The following PARP11 variants were observed in gnomAD, a reference collection of about 807,000 sequenced individuals.
PARP11 encodes the protein protein mono-ADP-ribosyltransferase PARP11.
A neutral mutation model predicts 42.9 loss-of-function variants in PARP11; 31 were observed. The observed-to-expected ratio is 0.72, with a 90% CI of 0.54 to 0.98. The LOEUF (loss-of-function observed/expected upper bound fraction) is 0.98. Among genes scored for constraint, PARP11 ranks in the 50% least tolerant of loss-of-function variants. The pLI is 0.00. For missense variants in PARP11, 365 were observed against 413.1 expected (o/e 0.88, Z 1.01); for synonymous variants, 137 against 127.3 (o/e 1.08, Z -0.51).
chr12:3,816,545 G>C (rs1270777029), intron 6 of PARP11, among the ~76,000 whole-genome samples: 2 of 152,326 alleles, frequency 1.3e-5, no homozygotes, highest in South Asian at 4.1e-4. Context: ...GACTGTCTAA[G>C]GGGCCTATCC....
At chr12:3,814,252 A>T in intron 6 of PARP11, 64 bp from the exon 7 acceptor site, 1 of 1,328,768 alleles carries the variant, frequency 7.5e-7, no homozygotes, top group Admixed American at 2.5e-5. Flanking sequence ...GCATTTATTA[A>T]TCTTAATGAG....
rs982573050 is a variant in PARP11, at chr12:3,842,642, C to T, written c.19-12624G>A. The T allele has an allele frequency of 3.9e-5, 26 of 670,214 alleles. No homozygotes were observed. In the African/African-American group the frequency reaches 3.9e-4, roughly 10 times the overall value. The allele number at this position is 670,214 out of a possible 1,614,324, so 41.5% of individuals were successfully genotyped here. A position where few individuals can be genotyped will look rare whatever the true frequency, so the allele number is the denominator to read the frequency against. Reference sequence around the variant, plus strand: ...TTCCTCTCCCCAGCCTCCTTACCTTCCCTCCCATACTCGACAAGACATTGT... The same window carrying T: ...TTCCTCTCCCCAGCCTCCTTACCTTTCCTCCCATACTCGACAAGACATTGT... On this transcript the variant is annotated intron_variant, in intron 1 of 7. Coordinates refer to ENST00000228820, the MANE Select transcript of PARP11 (RefSeq NM_020367.6).
At position 3,811,990 on chromosome 12, in the gene PARP11, A is replaced by G. The variant is rs918490638; in HGVS notation, c.*133T>C. ...CCTTGAAGTCAGTATGTCTTTTTAT[A>G]TGGAGGCCACTTTTTTTCATATCTG... On this transcript the variant is annotated 3_prime_UTR_variant, in exon 8 of 8. Transcript: ENST00000228820. The G allele has an allele frequency of 9.0e-6, 6 of 669,338 alleles. No homozygotes were observed. The highest frequency in any genetic ancestry group is 1.8e-5 in the African/African-American group (1 of 54,560). 41.5% of individuals were successfully genotyped at this position (669,338 alleles called of 1,614,324 possible). A position where few individuals can be genotyped will look rare whatever the true frequency, so the allele number is the denominator to read the frequency against.
chr12:3,857,587 C>T (rs113978157), intron 1 of PARP11, among the ~76,000 whole-genome samples: 27 of 151,772 alleles, frequency 1.8e-4, no homozygotes, highest in Admixed American at 3.9e-4. Context: ...GAAAACCTCA[C>T]GTCCTCACTG....
intron 1 of PARP11, chr12:3,872,752 G>C (rs1050911934): frequency 7.1e-6 from 7 of 985,214 alleles, no homozygotes; most frequent in Non-Finnish European, 8.4e-6. Flanking sequence ...ACTGACTACA[G>C]GTTCCAAGGC....
chr12:3,844,133 C>T (rs898462312), intron 1 of PARP11, among the ~76,000 whole-genome samples: 2 of 152,170 alleles, frequency 1.3e-5, no homozygotes, highest in Admixed American at 1.3e-4. Context: ...GTTTTAATTA[C>T]CTAACGTCCG....
At chr12:3,870,656 G>T (rs1948459628) in intron 1 of PARP11, among the ~76,000 whole-genome samples, 1 of 152,152 alleles carries the variant, frequency 6.6e-6, no homozygotes, top group South Asian at 2.1e-4. Flanking sequence ...TGCCTACTAT[G>T]TGTCAGGTTC....
intron 1 of PARP11, among the ~76,000 whole-genome samples, chr12:3,862,420 C>A (rs2138119137): frequency 6.6e-6 from 1 of 152,160 alleles, no homozygotes; most frequent in South Asian, 2.1e-4. Context: ...CACTGCACTA[C>A]AGCCTAGGCA....
At chr12:3,844,089 C>T (rs1947949665) in intron 1 of PARP11, among the ~76,000 whole-genome samples, 1 of 152,192 alleles carries the variant, frequency 6.6e-6, no homozygotes, top group Non-Finnish European at 1.5e-5. Flanking sequence ...TGAATCGCCA[C>T]TGTACTGTAA....
intron 1 of PARP11, chr12:3,841,539 A>G (rs1947888828): frequency 5.0e-6 from 8 of 1,600,478 alleles, no homozygotes; most frequent in African/African-American, 1.3e-5. Context: ...GACCGCCGAC[A>G]TTTTCTTCAC....
In PARP11 at chr12:3,809,750, T is replaced by C. The variant is rs118014543; in HGVS notation, c.*2373A>G. ...ACCTGAATTCCTAATGTCTCTAACATTGTTTTTTGTGAACGGGTTTAGAGC... is the reference window on the plus strand; with the variant it reads ...ACCTGAATTCCTAATGTCTCTAACACTGTTTTTTGTGAACGGGTTTAGAGC... On this transcript the variant is annotated 3_prime_UTR_variant, in exon 8 of 8. Transcript: ENST00000228820. 8 of 152,336 alleles carry C rather than the reference T, an allele frequency of 5.3e-5. No homozygotes were observed. The highest frequency in any genetic ancestry group is 7.3e-5 in the Non-Finnish European group (5 of 68,030). The allele number at this position is 152,336 out of a possible 1,614,324, so 9.4% of individuals were successfully genotyped here. A position where few individuals can be genotyped will look rare whatever the true frequency, so the allele number is the denominator to read the frequency against.
chr12:3,848,231 C>A (rs185462809), intron 1 of PARP11, among the ~76,000 whole-genome samples: 5 of 152,182 alleles, frequency 3.3e-5, no homozygotes, highest in Non-Finnish European at 7.4e-5. Flanking sequence ...ACAATACTGC[C>A]CAAAGCAATT....
intron 1 of PARP11, among the ~76,000 whole-genome samples, chr12:3,837,488 C>A (rs1440696653): frequency 1.3e-5 from 2 of 151,998 alleles, no homozygotes; most frequent in African/African-American, 2.4e-5. Flanking sequence ...TTAAAACATA[C>A]GACCAGAGAA....
At position 3,853,189 on chromosome 12, in the gene PARP11, T is replaced by C. The variant is rs1467597162; in HGVS notation, c.18+20023A>G. ...CAGCCACTGCAAAAACATGCCAAAC[T>C]GTAAAGACCATCGATGCTAGGAAGA... On this transcript the variant is annotated intron_variant, in intron 1 of 7. Transcript: ENST00000228820. 3.9e-5 allele frequency among the ~76,000 whole-genome samples: 6 copies of C among 152,262 alleles called. No homozygotes were observed. In the East Asian group the frequency reaches 9.7e-4, roughly 25 times the overall value.
chr12:3,855,083 C>T lies in PARP11; in HGVS notation c.18+18129G>A, dbSNP rs137987208. The stretch of plus-strand genomic sequence containing the variant: ...AAAGGCCTTCAACAAAATTCAACAA[C>T]GCTTCATGCTAAAAACTCTCAATAA... On this transcript the variant is annotated intron_variant, in intron 1 of 7. Transcript: ENST00000228820. 2.7e-3 allele frequency among the ~76,000 whole-genome samples: 418 copies of T among 152,236 alleles called. 5 individuals are homozygous for T. Among genetic ancestry groups the T allele is most frequent in the African/African-American group, 9.3e-3 (385 of 41,550 alleles).
intron 2 of PARP11, 37 bp downstream of exon 2, chr12:3,829,853 C>A (rs377635540): frequency 5.6e-6 from 9 of 1,608,496 alleles, no homozygotes; most frequent in Non-Finnish European, 7.7e-6. Flanking sequence ...CTAAGTGAAT[C>A]GAAAACACTT....
chr12:3,841,137 T>G, intron 1 of PARP11: 2 of 1,608,662 alleles, frequency 1.2e-6, no homozygotes, highest in Non-Finnish European at 1.7e-6. Context: ...TGCCTTTGCC[T>G]CAGACATTGA....
rs141918096 is a variant in PARP11 at position 3,824,855 on chromosome 12, A to G, written c.344+1303T>C. Among the ~76,000 whole-genome samples, 80 of 152,368 alleles carry G rather than the reference A, an allele frequency of 5.3e-4. 1 individual carries two copies. Among genetic ancestry groups the G allele is most frequent in the Middle Eastern group, 6.8e-3 (2 of 294 alleles). On this transcript the variant is annotated intron_variant, in intron 4 of 7. Coordinates refer to ENST00000228820, the MANE Select transcript of PARP11 (RefSeq NM_020367.6). ...TCTTTTATTATATTATTTGTACTAA[A>G]GAATGTGGATATGACGTAGCTAGTA...
intron 6 of PARP11, among the ~76,000 whole-genome samples, chr12:3,820,242 C>T (rs951522882): frequency 3.3e-5 from 5 of 152,148 alleles, no homozygotes; most frequent in Non-Finnish European, 1.5e-5. Context: ...GTAAGAGAGG[C>T]CTAGGCAATT....
Sources: allele counts gnomAD v4.1 joint callset (sites outside exome capture counted in the v4.1 genomes callset), GRCh38; gene constraint gnomAD v4.1.1; transcripts MANE v1.5; gene names NCBI Gene and HGNC (gene_info 2026-07-23, HGNC 2026-07-21).